TMIGD3: variants seen among roughly 807,000 people sequenced by gnomAD.
TMIGD3 encodes the protein transmembrane and immunoglobulin domain containing 3.
Under a neutral mutation model 28.1 loss-of-function variants are expected in TMIGD3, and 21 were observed. The observed-to-expected ratio is 0.75, with a 90% confidence interval of 0.53 to 1.08. TMIGD3 has a LOEUF of 1.08. Among genes scored for constraint, TMIGD3 ranks in the 50% least tolerant of loss-of-function variants. TMIGD3 has a pLI of 0.00. For missense variants in TMIGD3, 416 were observed against 435.6 expected, an observed-to-expected ratio of 0.96 and a Z score of 0.40; for synonymous variants, 151 against 162.1, an observed-to-expected ratio of 0.93 and a Z score of 0.52.
chr1:111,561,100 C>G (rs6693944), intron 1 of TMIGD3, among the ~76,000 whole-genome samples: 38,422 of 151,998 alleles, frequency 0.25, 5,005 homozygotes, highest in East Asian at 0.4. Context: ...TTCAAAGCTC[C>G]TCCCTACACA....
At chr1:111,553,865 A>G (rs1182030576) in intron 1 of TMIGD3, among the ~76,000 whole-genome samples, 1 of 152,084 alleles carries the variant, frequency 6.6e-6, no homozygotes, top group Non-Finnish European at 1.5e-5. Flanking sequence ...CTCATTGATC[A>G]CTCTTTCTGC....
rs188801721 is a variant in TMIGD3 at position 111,516,217 on chromosome 1, C to A, written c.108-25455G>T. ...CCTAAGCAGGAAGCTGCTCTCAGGGCATTTGAGAGAGGGGAGTGGGAATGC... is the reference window on the plus strand; with the variant it reads ...CCTAAGCAGGAAGCTGCTCTCAGGGAATTTGAGAGAGGGGAGTGGGAATGC... On this transcript the variant is annotated intron_variant, in intron 1 of 5. Coordinates refer to the TMIGD3 transcript ENST00000369717. Among the ~76,000 whole-genome samples, 560 of 152,346 alleles carry A rather than the reference C, an allele frequency of 3.7e-3. 5 individuals carry two copies. The highest frequency in any genetic ancestry group is 7.0e-3 in the Non-Finnish European group (477 of 68,034).
chr1:111,523,786 G>A (rs2185030), intron 1 of TMIGD3, among the ~76,000 whole-genome samples: 126,797 of 151,862 alleles, frequency 0.83, 54,188 homozygotes, highest in East Asian at 1. Context: ...TTCAGTGTGT[G>A]TGGGAGCCGT....
intron 2 of TMIGD3, chr1:111,490,431 T>A (rs1037108968): frequency 7.7e-5 from 43 of 555,654 alleles, no homozygotes; most frequent in Non-Finnish European, 1.1e-4. Context: ...TGCAGAGTCA[T>A]CATTTTAGTC....
chr1:111,504,417 G>A (rs990917057), upstream of TMIGD3, among the ~76,000 whole-genome samples: 2 of 152,138 alleles, frequency 1.3e-5, no homozygotes, highest in African/African-American at 2.4e-5. Context: ...AGGAACAGGC[G>A]ACTGTCTGGG....
In TMIGD3 at chr1:111,509,203, C is replaced by A. The variant is rs948605742; in HGVS notation, c.108-18441G>T. On this transcript the variant is annotated intron_variant, in intron 1 of 5. Transcript: ENST00000369717. ...GGAGGGATTTGCCAGTAGGGGGTTG[C>A]AGTGGAATTTTTAGCCACCTACGTC... 2.0e-5 allele frequency among the ~76,000 whole-genome samples: 3 copies of A among 152,302 alleles called. No homozygotes were observed. In the East Asian group the frequency reaches 5.8e-4, roughly 29 times the overall value.
At chr1:111,509,763 A>AT (rs1655629894) in intron 1 of TMIGD3, among the ~76,000 whole-genome samples, 1 of 152,272 alleles carries the variant, frequency 6.6e-6, no homozygotes. Flanking sequence ...TGCCATTGAT[A>AT]AAATGCCAAT....
intron 1 of TMIGD3, among the ~76,000 whole-genome samples, chr1:111,525,661 G>C (rs1656238443): frequency 6.6e-6 from 1 of 152,172 alleles, no homozygotes; most frequent in Admixed American, 6.5e-5. Flanking sequence ...TCAGGAGTTT[G>C]AGACCAGCCT....
At chr1:111,563,070 T>C (rs1657806237) in intron 1 of TMIGD3, among the ~76,000 whole-genome samples, 1 of 152,206 alleles carries the variant, frequency 6.6e-6, no homozygotes, top group Admixed American at 6.5e-5. Flanking sequence ...GTAAGCAGCG[T>C]ACTCAAAGTC....
In TMIGD3 at chr1:111,485,726, C is replaced by CAAAAACAAAATAACCCAAA; in HGVS notation, c.973+13_973+14insTTTGGGTTATTTTGTTTTT. 1.2e-6 allele frequency: 1 copy of CAAAAACAAAATAACCCAAA among 850,660 alleles called. No homozygotes were observed. The highest frequency in any genetic ancestry group is 1.9e-6 in the Non-Finnish European group (1 of 522,910). The allele number at this position is 850,660 out of a possible 1,614,324, so 52.7% of individuals were successfully genotyped here. Reference sequence around the variant, plus strand: ...AATTCTTGCCCACCCCCTCCCTCAACAATAGCTACTTACCCCTTCTATTCC... The same window carrying CAAAAACAAAATAACCCAAA: ...AATTCTTGCCCACCCCCTCCCTCAACAAAAACAAAATAACCCAAAAATAGCTACTTACCCCTTCTATTCC... On this transcript the variant is annotated intron_variant, in intron 5 of 5. Coordinates refer to ENST00000369716, the MANE Select transcript of TMIGD3 (RefSeq NM_020683.7).
intron 1 of TMIGD3, among the ~76,000 whole-genome samples, chr1:111,527,894 A>C (rs186325582): frequency 6.8e-6 from 1 of 147,034 alleles, no homozygotes; most frequent in Non-Finnish European, 1.5e-5. Flanking sequence ...TATATTTTGG[A>C]TAACAGTCTC....
chr1:111,535,320 A>C (rs12047274), intron 1 of TMIGD3, among the ~76,000 whole-genome samples: 30,396 of 152,172 alleles, frequency 0.2, 3,579 homozygotes, highest in East Asian at 0.47. Flanking sequence ...AAAAAATATC[A>C]CACAGACGCT....
rs1454056729 is a variant in TMIGD3 at position 111,483,643 on chromosome 1, C to G, written c.*44G>C. On this transcript the variant is annotated 3_prime_UTR_variant, in exon 6 of 6. Transcript: ENST00000369716. ...TGGGCCAGTTGTCATGGTGATTATT[C>G]TGTTGTAGCATCACTTTATGAACTA... is the stretch of plus-strand genomic sequence containing the variant. 3.4e-6 allele frequency: 5 copies of G among 1,466,536 alleles called. No homozygotes were observed. The highest frequency in any genetic ancestry group is 1.2e-5 in the South Asian group (1 of 86,852). 90.8% of individuals were successfully genotyped at this position (1,466,536 alleles called of 1,614,324 possible).
At position 111,485,773 on chromosome 1, in the gene TMIGD3, T is replaced by C. The variant is rs757707079; in HGVS notation, c.940A>G (p.Thr314Ala). The change falls in exon 5 of 6, where the codon ACC becomes GCC. Residue 314 changes from threonine (T) to alanine (A), a missense_variant. Transcript: ENST00000369716. ...TTCCTTTGACTTCTCCTCCTTTTGG[T>C]CAAATGACTGATTACAGAGATGATT... is the stretch of plus-strand genomic sequence containing the variant. Reference protein sequence around the residue: ...LGIISVISHLTKRRRSQRNRR... With the variant: ...LGIISVISHLAKRRRSQRNRR... The C allele has an allele frequency of 6.2e-6, 10 of 1,612,756 alleles. No homozygotes were observed. The African/African-American group carries it at 1.2e-4, about 19-fold the overall frequency.
At chr1:111,497,689 G>C (rs761147730) in intron 1 of TMIGD3, among the ~76,000 whole-genome samples, 3 of 152,094 alleles carry the variant, frequency 2.0e-5, no homozygotes, top group Non-Finnish European at 4.4e-5. Context: ...GGAGGAGGAG[G>C]AAGAGGGAAG....
At chr1:111,500,160 G>C (rs1189703721) in intron 1 of TMIGD3, 6 of 1,614,042 alleles carry the variant, frequency 3.7e-6, no homozygotes, top group Non-Finnish European at 5.1e-6. Flanking sequence ...TGATGCAGTT[G>C]ATGATAGATA....
chr1:111,550,296 T>C (rs958672268), intron 1 of TMIGD3, among the ~76,000 whole-genome samples: 1 of 152,202 alleles, frequency 6.6e-6, no homozygotes, highest in African/African-American at 2.4e-5. Flanking sequence ...TCATTGATTT[T>C]CTCTAATATT....
At chr1:111,554,102 G>A (rs374368766) in intron 1 of TMIGD3, among the ~76,000 whole-genome samples, 7 of 152,350 alleles carry the variant, frequency 4.6e-5, no homozygotes, top group Admixed American at 3.3e-4. Context: ...TAGCTATGTG[G>A]CCTTGGGCTT....
chr1:111,521,947 A>G (rs1656076424), intron 1 of TMIGD3, among the ~76,000 whole-genome samples: 1 of 152,226 alleles, frequency 6.6e-6, no homozygotes, highest in Admixed American at 6.5e-5. Context: ...GTATGAGGTA[A>G]GGGTTGAGGT....
Sources: gnomAD v4.1 joint callset for allele counts (sites outside exome capture counted in the v4.1 genomes callset) on GRCh38, gnomAD v4.1.1 for gene constraint, MANE v1.5 for transcripts, NCBI Gene and HGNC (gene_info 2026-07-23, HGNC 2026-07-21) for gene names.